Variants in GNE observed in about 807,000 individuals in gnomAD.
GNE encodes the protein bifunctional UDP-N-acetylglucosamine 2-epimerase/N-acetylmannosamine kinase.
In GNE, 41 loss-of-function variants were observed where a neutral mutation model predicts 61.8. The ratio of observed to expected loss-of-function variants is 0.66; its 90% confidence interval spans 0.52 to 0.86. The LOEUF (loss-of-function observed/expected upper bound fraction) is 0.86, where lower values mean the gene tolerates loss of function less well. Among genes scored for constraint, GNE ranks in the 40% least tolerant of loss-of-function variants. The pLI is 0.00. For synonymous variants in GNE, 264 were observed against 326.4 expected (o/e 0.81, Z 2.06); for missense variants, 608 against 909.1 (o/e 0.67, Z 4.26).
At chr9:36,266,063 G>A (rs1308441556) in intron 1 of GNE, among the ~76,000 whole-genome samples, 1 of 152,022 alleles carries the variant, frequency 6.6e-6, no homozygotes, top group Non-Finnish European at 1.5e-5. Context: ...TCAGCCTCCC[G>A]AGTAGCTGGG....
chr9:36,272,226 G>A (rs575438239), intron 1 of GNE, among the ~76,000 whole-genome samples: 3 of 152,312 alleles, frequency 2.0e-5, no homozygotes, highest in East Asian at 3.9e-4. Flanking sequence ...AGTTCAGCAA[G>A]GGCCTTGCAT....
chr9:36,239,712 A>C (rs1324688561), intron 3 of GNE, among the ~76,000 whole-genome samples: 1 of 151,848 alleles, frequency 6.6e-6, no homozygotes, highest in Non-Finnish European at 1.5e-5. Context: ...AACTCAAATG[A>C]TCTGCCCGCC....
intron 8 of GNE, 29 bp downstream of exon 8, chr9:36,223,343 AT>A (rs760787756): frequency 4.4e-6 from 7 of 1,594,154 alleles, no homozygotes; most frequent in Admixed American, 1.7e-5. Flanking sequence ...TAAAATGAGC[AT>A]TTCTTGGATT....
Position 36,258,377 on chromosome 9 carries a change from G to T in GNE, c.-99C>A, listed in dbSNP as rs1484647241. On this transcript the variant is annotated 5_prime_UTR_variant, in exon 1 of 12. Coordinates refer to ENST00000642385, the MANE Select transcript of GNE (RefSeq NM_005476.7). ...CCACCGCGCTCCTCGGGCGAGGGACGAACCAAGCGCCACGAAGCAGGCAGA... is the reference window on the plus strand; with the variant it reads ...CCACCGCGCTCCTCGGGCGAGGGACTAACCAAGCGCCACGAAGCAGGCAGA... 1 of 985,430 alleles carries T rather than the reference G, an allele frequency of 1.0e-6. No homozygotes were observed. The highest frequency in any genetic ancestry group is 1.1e-4 in the East Asian group (1 of 8,814). 61.0% of individuals were successfully genotyped at this position (985,430 alleles called of 1,614,324 possible).
chr9:36,257,839 T>TAAAAAAAAA (rs1830445148), intron 1 of GNE, among the ~76,000 whole-genome samples: 1 of 95,904 alleles, frequency 1.0e-5, no homozygotes, highest in African/African-American at 4.9e-5. Flanking sequence ...AAAAAAAAAT[T>TAAAAAAAAA]GGGGTGAGGG....
chr9:36,251,049 G>T (rs1238531149), intron 1 of GNE, among the ~76,000 whole-genome samples: 2 of 152,056 alleles, frequency 1.3e-5, no homozygotes, highest in Non-Finnish European at 2.9e-5. Flanking sequence ...CCTTCTCTGT[G>T]CCAAAGTGCC....
Position 36,227,370 on chromosome 9 carries a change from AT to A in GNE, c.1158del (p.Lys386AsnfsTer7), listed in dbSNP as rs1057516275. 6.2e-7 allele frequency: 1 copy of A among 1,612,278 alleles called. No individual in the cohort carries two copies. Among genetic ancestry groups the A allele is most frequent in the Non-Finnish European group, 8.5e-7 (1 of 1,178,268 alleles). ...TTCTCCTTCACAGGAGGAAAGCAGA[AT>A]TTCTTTTGCAGTGGCTCTTGAAGAT... ...SIDLQEPLQK[K>X]FCFPPVKENI... is the part of the protein sequence containing the mutation. On this transcript the variant is annotated frameshift_variant, in exon 7 of 12. Transcript: ENST00000642385. LOFTEE classifies it high-confidence loss of function.
upstream of GNE, among the ~76,000 whole-genome samples, chr9:36,259,290 C>A (rs4879967): frequency 0.76 from 116,226 of 152,162 alleles, 44,887 homozygotes; most frequent in Non-Finnish European, 0.8. Flanking sequence ...AGTGAGAAGG[C>A]TAGCTTGAGG....
chr9:36,274,779 G>C (rs948250444), intron 1 of GNE, among the ~76,000 whole-genome samples: 1 of 150,158 alleles, frequency 6.7e-6, no homozygotes, highest in African/African-American at 2.5e-5. Flanking sequence ...CTGGAGTGCC[G>C]TGGCGCGATC....
chr9:36,268,034 G>A (rs1180978002), intron 1 of GNE: 1 of 151,982 alleles, frequency 6.6e-6, no homozygotes, highest in East Asian at 1.9e-4. Context: ...AGCTACCCAG[G>A]AAGCTGAAGC....
Position 36,217,567 on chromosome 9 carries a change from A to C in GNE, c.1967T>G (p.Ile656Ser). The C allele has an allele frequency of 6.2e-7, 1 of 1,614,028 alleles. No individual in the cohort carries two copies. The highest frequency in any genetic ancestry group is 8.5e-7 in the Non-Finnish European group (1 of 1,179,832). The stretch of plus-strand genomic sequence containing the variant: ...AAGGGAGGGATTCATGGTATGGAGG[A>C]TGTTCACAACCCCAAGACCCAAAGC... The part of the protein sequence containing the change: ...GTALGLGVVN[I>S]LHTMNPSLVI... The change falls in exon 12 of 12, where the codon ATC (isoleucine) becomes AGC (serine). Residue 656 changes from isoleucine to serine, a missense_variant. Ile to Ser is a moderately radical substitution (Grantham distance 142). Transcript: ENST00000642385.
chr9:36,229,733 C>T (rs1829054257), intron 5 of GNE, among the ~76,000 whole-genome samples: 1 of 151,942 alleles, frequency 6.6e-6, no homozygotes, highest in Non-Finnish European at 1.5e-5. Context: ...ATGGATAGGT[C>T]CCTGAGAAGG....
At chr9:36,251,279 T>C (rs1180953323) in intron 1 of GNE, among the ~76,000 whole-genome samples, 1 of 152,194 alleles carries the variant, frequency 6.6e-6, no homozygotes, top group Non-Finnish European at 1.5e-5. Context: ...CTGAGCGTTA[T>C]GGCCCTCCCA....
At position 36,231,089 on chromosome 9, in the gene GNE, G is replaced by GA. The variant is rs1463574695; in HGVS notation, c.983-1982dup. On this transcript the variant is annotated intron_variant, in intron 5 of 11. Transcript: ENST00000642385. ...ACTAAAAAAAAAAAAAAAAAAGAAA[G>GA]AAAGAGAGAGAGAGAAAGAGAAAGA... Among the ~76,000 whole-genome samples the GA allele has an allele frequency of 6.4e-5, 7 of 108,636 alleles. No individual in the cohort carries two copies. The South Asian group carries it at 1.7e-3, about 26-fold the overall frequency. The allele number at this position is 108,636 out of a possible 152,430, so 71.3% of individuals were successfully genotyped here.
At chr9:36,245,899 A>G in intron 3 of GNE, 132 bp downstream of exon 3, 1 of 707,064 alleles carries the variant, frequency 1.4e-6, no homozygotes, top group South Asian at 1.7e-5. Context: ...GGCAAGGTCT[A>G]TGAACTAAAA....
intron 10 of GNE, among the ~76,000 whole-genome samples, chr9:36,219,512 A>C (rs1179022840): frequency 6.6e-6 from 1 of 152,194 alleles, no homozygotes; most frequent in African/African-American, 2.4e-5. Flanking sequence ...TATATACATA[A>C]CATGTTTTGT....
chr9:36,272,938 A>T (rs1464872698), intron 1 of GNE, among the ~76,000 whole-genome samples: 11 of 139,348 alleles, frequency 7.9e-5, no homozygotes, highest in African/African-American at 2.1e-4. Context: ...AAAAAAAAAA[A>T]GCTGGGCATG....
chr9:36,219,358 A>T (rs1828479714), intron 10 of GNE, among the ~76,000 whole-genome samples: 1 of 151,332 alleles, frequency 6.6e-6, no homozygotes, highest in Non-Finnish European at 1.5e-5. Context: ...GGCTCTATAC[A>T]CTTCTCTCCT....
At chr9:36,232,102 T>C (rs1040383705) in intron 5 of GNE, among the ~76,000 whole-genome samples, 1 of 152,172 alleles carries the variant, frequency 6.6e-6, no homozygotes, top group Non-Finnish European at 1.5e-5. Flanking sequence ...CACCTTTCTG[T>C]TATATTTACA....
Sources: gnomAD v4.1 joint callset for allele counts (sites outside exome capture counted in the v4.1 genomes callset) on GRCh38, gnomAD v4.1.1 for gene constraint, MANE v1.5 for transcripts, NCBI Gene and HGNC (gene_info 2026-07-23, HGNC 2026-07-21) for gene names.